The following FAM13A variants were observed in gnomAD, a reference collection of about 807,000 sequenced individuals.
FAM13A encodes the protein protein FAM13A.
In FAM13A, 76 loss-of-function variants were observed where a neutral mutation model predicts 129.6. The observed-to-expected ratio is 0.59, with a 90% CI of 0.49 to 0.71. The LOEUF (loss-of-function observed/expected upper bound fraction) is 0.71, where lower values mean the gene tolerates loss of function less well. FAM13A is among the 30% of genes least tolerant of loss of function. The probability of loss-of-function intolerance (pLI) is 0.00; values close to 1 mark genes in which losing one functional copy is unlikely to be tolerated. For synonymous variants in FAM13A, 443 were observed against 449.9 expected (o/e 0.98, Z 0.20); for missense variants, 1,108 against 1,249.3 (o/e 0.89, Z 1.70).
intron 3 of FAM13A, among the ~76,000 whole-genome samples, chr4:88,997,853 C>T (rs532889624): frequency 2.0e-5 from 3 of 152,280 alleles, no homozygotes; most frequent in African/African-American, 4.8e-5. Flanking sequence ...AAAGTAGCTT[C>T]CCCCCTCCCT....
chr4:88,975,693 A>G (rs1190089436), intron 4 of FAM13A, among the ~76,000 whole-genome samples: 1 of 152,246 alleles, frequency 6.6e-6, no homozygotes, highest in East Asian at 1.9e-4. Context: ...TGCAAAGAGT[A>G]TTCATTTTAA....
chr4:88,789,317 C>CT (rs1724627839), intron 9 of FAM13A, among the ~76,000 whole-genome samples: 1 of 152,184 alleles, frequency 6.6e-6, no homozygotes. Flanking sequence ...GTCCTGCCCT[C>CT]TGATTGTTTT....
intron 14 of FAM13A, among the ~76,000 whole-genome samples, 173 bp downstream of exon 14, chr4:88,758,581 T>C (rs1406910788): frequency 2.6e-5 from 4 of 152,190 alleles, no homozygotes; most frequent in Non-Finnish European, 5.9e-5. Context: ...CAGCAACATT[T>C]ACCCTGAGGT....
intron 5 of FAM13A, among the ~76,000 whole-genome samples, chr4:88,920,832 T>G (rs961187066): frequency 2.0e-5 from 3 of 152,088 alleles, no homozygotes; most frequent in Non-Finnish European, 4.4e-5. Context: ...ATAACTAGAA[T>G]AATCAATAGA....
At chr4:88,873,330 CA>C (rs1741761688) in intron 6 of FAM13A, among the ~76,000 whole-genome samples, 1 of 152,094 alleles carries the variant, frequency 6.6e-6, no homozygotes, top group South Asian at 2.1e-4. Context: ...AAAAACCCTT[CA>C]AAAAATTAAT....
intron 4 of FAM13A, chr4:88,990,439 C>G (rs920545181): frequency 6.6e-6 from 1 of 152,160 alleles, no homozygotes; most frequent in African/African-American, 2.4e-5. Context: ...AATTAAAGAG[C>G]TTTATGGAAT....
At chr4:88,987,838 C>CAAAAAAAAAAAAAAAAAAAAAAAA in intron 4 of FAM13A, among the ~76,000 whole-genome samples, 1 of 71,194 alleles carries the variant, frequency 1.4e-5, no homozygotes, top group Non-Finnish European at 2.5e-5. Context: ...AGACTCCTCT[C>CAAAAAAAAAAAAAAAAAAAAAAAA]AAAAAAAAAA....
At chr4:88,966,018 T>C (rs1335160362) in intron 4 of FAM13A, among the ~76,000 whole-genome samples, 1 of 152,184 alleles carries the variant, frequency 6.6e-6, no homozygotes, top group Non-Finnish European at 1.5e-5. Flanking sequence ...TGAACACAGG[T>C]GTGCAAATCT....
chr4:88,954,703 G>T (rs775010523), intron 4 of FAM13A, among the ~76,000 whole-genome samples: 1 of 151,992 alleles, frequency 6.6e-6, no homozygotes, highest in South Asian at 2.1e-4. Flanking sequence ...TGGGCAACAC[G>T]GCAAAAACCT....
intron 8 of FAM13A, among the ~76,000 whole-genome samples, chr4:88,795,111 G>A (rs1725901802): frequency 6.6e-6 from 1 of 151,732 alleles, no homozygotes; most frequent in South Asian, 2.1e-4. Context: ...TTTAAACTCT[G>A]ATAAAAGTTG....
intron 7 of FAM13A, among the ~76,000 whole-genome samples, chr4:88,837,058 G>T (rs1408851150): frequency 6.6e-6 from 1 of 151,620 alleles, no homozygotes; most frequent in East Asian, 2.0e-4. Context: ...GCAATGGCAC[G>T]ATCTCCACTC....
At chr4:88,853,399 A>T (rs1737950006) in intron 6 of FAM13A, among the ~76,000 whole-genome samples, 1 of 152,180 alleles carries the variant, frequency 6.6e-6, no homozygotes, top group Non-Finnish European at 1.5e-5. Context: ...ATACTTTTTT[A>T]AAAAAACATT....
chr4:88,876,893 C>A (rs1742628459), intron 6 of FAM13A, among the ~76,000 whole-genome samples: 1 of 152,052 alleles, frequency 6.6e-6, no homozygotes, highest in Non-Finnish European at 1.5e-5. Context: ...GCCCAGACCG[C>A]GTCACTTCTT....
rs77005727 is a variant in FAM13A, at chr4:88,793,227, C to T, written c.1050-2600G>A. 7.6e-3 allele frequency among the ~76,000 whole-genome samples: 1,160 copies of T among 152,052 alleles called. 5 individuals carry two copies. The highest frequency in any genetic ancestry group is 0.011 in the Non-Finnish European group (771 of 67,906). On this transcript the variant is annotated intron_variant, in intron 8 of 23. Coordinates refer to ENST00000264344, the MANE Select transcript of FAM13A (RefSeq NM_014883.4). ...TAATCTAAGTAATGAAGGTAGGATA[C>T]GGAAAACTCATGTTAACCTCAGTGA...
intron 3 of FAM13A, among the ~76,000 whole-genome samples, chr4:89,009,849 G>A (rs747335359): frequency 2.6e-5 from 4 of 152,152 alleles, no homozygotes; most frequent in Admixed American, 2.0e-4. Flanking sequence ...GCAAGGAAGA[G>A]TATTTTAGGT....
chr4:88,810,495 T>C (rs1729467883), intron 7 of FAM13A, among the ~76,000 whole-genome samples: 1 of 152,014 alleles, frequency 6.6e-6, no homozygotes, highest in Non-Finnish European at 1.5e-5. Context: ...AGGCAGAATA[T>C]CATGTGAAGA....
intron 23 of FAM13A, chr4:88,730,018 A>T (rs1737308830): frequency 6.6e-6 from 1 of 152,234 alleles, no homozygotes. Context: ...TATATGAGAC[A>T]TATCCAAATC....
At chr4:88,776,350 C>T (rs893145201) in intron 11 of FAM13A, among the ~76,000 whole-genome samples, 28 of 152,108 alleles carry the variant, frequency 1.8e-4, no homozygotes, top group Non-Finnish European at 5.9e-5. Context: ...CCACCACTTA[C>T]GTGTGACCTA....
At chr4:89,043,913 A>T (rs1770488966) in intron 1 of FAM13A, among the ~76,000 whole-genome samples, 2 of 151,956 alleles carry the variant, frequency 1.3e-5, no homozygotes, top group Non-Finnish European at 2.9e-5. Flanking sequence ...TCTACAAAAT[A>T]CAATCAATCA....
Sources: gnomAD v4.1 joint callset for allele counts (sites outside exome capture counted in the v4.1 genomes callset) on GRCh38, gnomAD v4.1.1 for gene constraint, MANE v1.5 for transcripts, NCBI Gene and HGNC (gene_info 2026-07-23, HGNC 2026-07-21) for gene names.